The following DOCK2 variants were observed in gnomAD, a reference collection of about 807,000 sequenced individuals.
DOCK2 encodes the protein dedicator of cytokinesis 2, also known as dedicator of cytokinesis protein 2.
Under a neutral mutation model 248.9 loss-of-function variants are expected in DOCK2, and 87 were observed. The observed-to-expected ratio is 0.35, with a 90% CI of 0.29 to 0.42. DOCK2 has a LOEUF of 0.42. DOCK2 is among the 10% of genes least tolerant of loss of function. DOCK2 has a pLI of 1.00. For synonymous variants in DOCK2, 805 were observed against 821.6 expected, an observed-to-expected ratio of 0.98 and a Z score of 0.35; for missense variants, 1,747 against 2,300.2, an observed-to-expected ratio of 0.76 and a Z score of 4.92.
At chr5:169,773,815 G>A (rs1765230598) in intron 25 of DOCK2, among the ~76,000 whole-genome samples, 1 of 152,076 alleles carries the variant, frequency 6.6e-6, no homozygotes, top group East Asian at 1.9e-4. Flanking sequence ...GAATCATGGG[G>A]GCAGTTTCCC....
intron 26 of DOCK2, among the ~76,000 whole-genome samples, chr5:169,835,259 G>GTTTTTTTTTTTTTT (rs763950012): frequency 2.2e-5 from 3 of 138,610 alleles, no homozygotes; most frequent in Non-Finnish European, 1.5e-5. Context: ...TGAAATGCCT[G>GTTTTTTTTTTTTTT]GTTTTTTTTT....
At chr5:169,700,161 C>G in intron 13 of DOCK2, 22 bp downstream of exon 13, 1 of 1,611,302 alleles carries the variant, frequency 6.2e-7, no homozygotes, top group Non-Finnish European at 8.5e-7. Context: ...CTGCTCTGAC[C>G]TTCCCCTGGG....
At chr5:169,784,085 G>C (rs1765856120) in intron 25 of DOCK2, among the ~76,000 whole-genome samples, 1 of 151,938 alleles carries the variant, frequency 6.6e-6, no homozygotes, top group Non-Finnish European at 1.5e-5. Context: ...ATTTTGGGCA[G>C]TCAGGTTCTG....
At chr5:169,684,517 G>A (rs538867430) in intron 8 of DOCK2, among the ~76,000 whole-genome samples, 167 bp downstream of exon 8, 108 of 152,348 alleles carry the variant, frequency 7.1e-4, no homozygotes, top group Admixed American at 3.3e-3. Context: ...TCAAGTGGAA[G>A]TGTTATTTAC....
chr5:170,043,165 A>G (rs915547593), intron 38 of DOCK2, among the ~76,000 whole-genome samples: 5 of 152,322 alleles, frequency 3.3e-5, no homozygotes, highest in African/African-American at 1.2e-4. Flanking sequence ...CTCGGTGGCC[A>G]CATGCTCAAG....
In DOCK2 at chr5:169,695,825, A is replaced by G. The variant is rs1250790966; in HGVS notation, c.866A>G (p.Asn289Ser). The G allele has an allele frequency of 1.9e-6, 3 of 1,614,002 alleles. No individual in the cohort carries two copies. The highest frequency in any genetic ancestry group is 2.2e-5 in the East Asian group (1 of 44,872). ...VFTDLGNKDL[N>S]RDKIYLICQI... Reference sequence around the variant, plus strand: ...CAGGATCTTGGAAACAAAGACCTCAACAGGGATAAAATTTACTTGATTTGT... The same window carrying G: ...CAGGATCTTGGAAACAAAGACCTCAGCAGGGATAAAATTTACTTGATTTGT... Residue 289 changes from asparagine (N) to serine (S), a missense_variant, in exon 10 of 52, where the codon AAC becomes AGC. Physicochemically the swap from Asn to Ser is conservative, Grantham distance 46. Coordinates refer to ENST00000520908, the MANE Select transcript of DOCK2 (RefSeq NM_004946.3).
intron 2 of DOCK2, among the ~76,000 whole-genome samples, chr5:169,668,272 CTTCT>C (rs1363077296): frequency 1.3e-5 from 2 of 152,026 alleles, no homozygotes; most frequent in Non-Finnish European, 2.9e-5. Flanking sequence ...CCCTTTCTTC[CTTCT>C]GTTTTTCCTC....
chr5:170,008,408 C>T (rs1755148699), intron 30 of DOCK2, 89 bp from the exon 31 acceptor site: 1 of 1,362,830 alleles, frequency 7.3e-7, no homozygotes, highest in South Asian at 1.2e-5. Context: ...TGTCTTCTGC[C>T]ATCTTCATAA....
chr5:169,953,753 G>T (rs1481335454), intron 27 of DOCK2, among the ~76,000 whole-genome samples: 1 of 152,144 alleles, frequency 6.6e-6, no homozygotes, highest in Admixed American at 6.5e-5. Flanking sequence ...CAACCTGCCA[G>T]CACTTGTTTT....
chr5:169,914,397 G>A (rs984480389), intron 27 of DOCK2, among the ~76,000 whole-genome samples: 2 of 152,152 alleles, frequency 1.3e-5, no homozygotes, highest in South Asian at 2.1e-4. Flanking sequence ...CCTACTCTGA[G>A]CCAGGAACTG....
intron 27 of DOCK2, among the ~76,000 whole-genome samples, chr5:169,935,303 A>G (rs1242133042): frequency 6.6e-6 from 1 of 152,200 alleles, no homozygotes; most frequent in African/African-American, 2.4e-5. Context: ...TCGACCAAAA[A>G]AAGGTCTCAT....
chr5:169,705,919 C>T (rs1761232889), intron 14 of DOCK2, among the ~76,000 whole-genome samples: 1 of 152,232 alleles, frequency 6.6e-6, no homozygotes. Context: ...CTGAAGTCTC[C>T]CACACCTATG....
In DOCK2 at chr5:170,079,007, C is replaced by T. The variant is rs150108225; in HGVS notation, c.5027C>T (p.Pro1676Leu). The T allele has an allele frequency of 9.5e-5, 154 of 1,613,954 alleles. No individual in the cohort carries two copies. The highest frequency in any genetic ancestry group is 4.9e-4 in the Middle Eastern group (3 of 6,070). Residue 1676 changes from proline to leucine, a missense_variant, in exon 49 of 52, where the codon CCG becomes CTG. By Grantham distance (98) the Pro-to-Leu change is moderately conservative. This residue lies in a region of DOCK2 where 513 missense variants were observed against 586.1 expected (regional missense o/e 0.88). Transcript: ENST00000520908. ...CTGGAATTAGCATCACCCAAGACGCCGAGAGTGGAGCAGGAGGAACCGATC... is the reference window on the plus strand; with the variant it reads ...CTGGAATTAGCATCACCCAAGACGCTGAGAGTGGAGCAGGAGGAACCGATC... ...FDLELASPKT[P>L]RVEQEEPISP...
intron 27 of DOCK2, among the ~76,000 whole-genome samples, chr5:169,909,126 G>A (rs955783206): frequency 2.0e-5 from 3 of 152,196 alleles, no homozygotes; most frequent in Non-Finnish European, 4.4e-5. Flanking sequence ...CACCTTTGCT[G>A]TGCCTCCATT....
At chr5:169,902,702 CT>C (rs1174205074) in intron 27 of DOCK2, among the ~76,000 whole-genome samples, 5 of 152,158 alleles carry the variant, frequency 3.3e-5, no homozygotes, top group Non-Finnish European at 7.3e-5. Flanking sequence ...TCCTCAAATC[CT>C]TCTGAGCACC....
At chr5:170,060,183 G>A (rs538257959) in intron 44 of DOCK2, among the ~76,000 whole-genome samples, 2 of 152,134 alleles carry the variant, frequency 1.3e-5, no homozygotes, top group African/African-American at 2.4e-5. Flanking sequence ...CCTGAGAAAT[G>A]GAGACTTTAC....
intron 1 of DOCK2, among the ~76,000 whole-genome samples, chr5:169,653,146 A>C (rs774248113): frequency 6.6e-5 from 10 of 152,188 alleles, no homozygotes; most frequent in Non-Finnish European, 1.2e-4. Flanking sequence ...GAATTAAAGG[A>C]GTAAATGCAC....
intron 48 of DOCK2, among the ~76,000 whole-genome samples, chr5:170,078,301 T>C (rs1332680975): frequency 6.6e-6 from 1 of 152,196 alleles, no homozygotes; most frequent in Non-Finnish European, 1.5e-5. Flanking sequence ...CCCTTCCACC[T>C]TCCTGGAGCC....
At chr5:169,688,414 A>G (rs1272873635) in intron 8 of DOCK2, among the ~76,000 whole-genome samples, 1 of 152,184 alleles carries the variant, frequency 6.6e-6, no homozygotes, top group African/African-American at 2.4e-5. Context: ...CATTCATACA[A>G]CATCCTGAAC....
Sources: gnomAD v4.1 joint callset for allele counts (sites outside exome capture counted in the v4.1 genomes callset) on GRCh38, gnomAD v4.1.1 for gene constraint, gnomAD v4.1.1 regional missense constraint, MANE v1.5 for transcripts, NCBI Gene and HGNC (gene_info 2026-07-23, HGNC 2026-07-21) for gene names.